The following BCR variants were observed in gnomAD, a reference collection of about 807,000 sequenced individuals.
The protein encoded by BCR is BCR activator of RhoGEF and GTPase.
In BCR, 58 loss-of-function variants were observed where a neutral mutation model predicts 138.6. That is an observed-to-expected ratio of 0.42 (90% CI 0.34 to 0.52). The LOEUF is 0.52. Ranked by LOEUF, BCR falls within the 20% of genes least tolerant of loss-of-function variation. The probability of loss-of-function intolerance (pLI) is 0.06; values close to 1 mark genes in which losing one functional copy is unlikely to be tolerated. For missense variants in BCR, 1,599 were observed against 1,727.2 expected, an observed-to-expected ratio of 0.93 and a Z score of 1.32; for synonymous variants, 786 against 730.1, an observed-to-expected ratio of 1.08 and a Z score of -1.23.
chr22:23,310,078 A>T (rs1602132836), intron 17 of BCR: 7 of 496,280 alleles, frequency 1.4e-5, no homozygotes, highest in Non-Finnish European at 2.3e-5. Flanking sequence ...AAAGCAAGCA[A>T]GCAAGAGAAG....
At chr22:23,302,050 A>T (rs998131408) in intron 16 of BCR, among the ~76,000 whole-genome samples, 1 of 152,160 alleles carries the variant, frequency 6.6e-6, no homozygotes, top group African/African-American at 2.4e-5. Flanking sequence ...TGAACAAAGC[A>T]GGTCACCCAT....
At chr22:23,274,015 C>T (rs749306205) in intron 8 of BCR, among the ~76,000 whole-genome samples, 3 of 152,186 alleles carry the variant, frequency 2.0e-5, no homozygotes, top group Non-Finnish European at 4.4e-5. Flanking sequence ...TCAGCCACCT[C>T]TTTCCTTTTC....
At chr22:23,293,573 A>T (rs1247836169) in intron 15 of BCR, among the ~76,000 whole-genome samples, 1 of 152,188 alleles carries the variant, frequency 6.6e-6, no homozygotes, top group East Asian at 1.9e-4. Context: ...TATAAGAGCC[A>T]CAGGGGATCC....
At chr22:23,266,950 G>A (rs551304647) in intron 4 of BCR, among the ~76,000 whole-genome samples, 64 of 152,276 alleles carry the variant, frequency 4.2e-4, no homozygotes, top group African/African-American at 1.5e-3. Flanking sequence ...CTGAGACCCT[G>A]CTGAGCTGTC....
intron 16 of BCR, among the ~76,000 whole-genome samples, chr22:23,303,066 G>A (rs2073920369): frequency 6.6e-6 from 1 of 151,418 alleles, no homozygotes; most frequent in South Asian, 2.1e-4. Flanking sequence ...GAGAGGGCAA[G>A]TGCCTGGCTC....
chr22:23,279,021 TA>T (rs2073611358), intron 8 of BCR, among the ~76,000 whole-genome samples: 1 of 152,224 alleles, frequency 6.6e-6, no homozygotes, highest in African/African-American at 2.4e-5. Context: ...GCTTACCTCT[TA>T]GCTGTTTCTT....
intron 19 of BCR, chr22:23,312,613 A>T: frequency 2.0e-6 from 1 of 502,412 alleles, no homozygotes; most frequent in South Asian, 2.1e-5. Flanking sequence ...CCCAATCCCC[A>T]CGCAGGCGCT....
intron 1 of BCR, among the ~76,000 whole-genome samples, chr22:23,191,077 C>T (rs925986580): frequency 7.2e-5 from 11 of 152,014 alleles, no homozygotes; most frequent in African/African-American, 1.2e-4. Flanking sequence ...GTACTACAGG[C>T]GCGTGCCACC....
chr22:23,255,403 C>T (rs1380592045), intron 2 of BCR, among the ~76,000 whole-genome samples: 2 of 152,142 alleles, frequency 1.3e-5, no homozygotes, highest in Non-Finnish European at 2.9e-5. Flanking sequence ...CCACACAGCT[C>T]CAGGGTTTGA....
At chr22:23,268,207 T>G (rs992702906) in intron 4 of BCR, among the ~76,000 whole-genome samples, 1 of 152,112 alleles carries the variant, frequency 6.6e-6, no homozygotes, top group Non-Finnish European at 1.5e-5. Context: ...CAGCATGTCA[T>G]TTTGGGAGCG....
intron 1 of BCR, among the ~76,000 whole-genome samples, chr22:23,242,090 G>A (rs923899017): frequency 8.5e-5 from 13 of 152,178 alleles, no homozygotes; most frequent in Non-Finnish European, 2.9e-5. Context: ...GCACACAAAT[G>A]TCATTAGTTT....
intron 1 of BCR, among the ~76,000 whole-genome samples, chr22:23,202,311 T>G: frequency 6.6e-6 from 1 of 152,152 alleles, no homozygotes; most frequent in South Asian, 2.1e-4. Context: ...AAAATTATGG[T>G]GAAATATATA....
At chr22:23,187,228 C>T (rs1471386450) in intron 1 of BCR, among the ~76,000 whole-genome samples, 1 of 151,864 alleles carries the variant, frequency 6.6e-6, no homozygotes, top group Non-Finnish European at 1.5e-5. Flanking sequence ...CTCATTTCAT[C>T]CCTGTAGTTT....
At position 23,271,512 on chromosome 22, in the gene BCR, A is replaced by G. The variant is rs1011685822; in HGVS notation, c.1861-20A>G. Reference sequence around the variant, plus strand: ...AGCTGCTTCTGTCATCTGTGTGAACATGCGCTTTTCTCTCTGCAGAACCTG... The same window carrying G: ...AGCTGCTTCTGTCATCTGTGTGAACGTGCGCTTTTCTCTCTGCAGAACCTG... On this transcript the variant is annotated intron_variant, in intron 5 of 22. Coordinates refer to ENST00000305877, the MANE Select transcript of BCR (RefSeq NM_004327.4). 3 of 1,613,602 alleles carry G rather than the reference A, an allele frequency of 1.9e-6. No individual in the cohort carries two copies. Among genetic ancestry groups the G allele is most frequent in the Non-Finnish European group, 2.5e-6 (3 of 1,179,628 alleles).
chr22:23,225,007 C>T (rs1046839179), intron 1 of BCR, among the ~76,000 whole-genome samples: 2 of 151,926 alleles, frequency 1.3e-5, no homozygotes, highest in Non-Finnish European at 2.9e-5. Context: ...GCCACCGAGA[C>T]CCGGCATTTG....
chr22:23,260,903 T>A, intron 2 of BCR, 47 bp from the exon 3 acceptor site: 1 of 1,570,726 alleles, frequency 6.4e-7, no homozygotes, highest in Non-Finnish European at 8.8e-7. Flanking sequence ...GATGGAAGAA[T>A]CCCCCTACCA....
intron 1 of BCR, among the ~76,000 whole-genome samples, chr22:23,247,451 A>G (rs915047157): frequency 6.6e-6 from 1 of 152,020 alleles, no homozygotes; most frequent in South Asian, 2.1e-4. Context: ...ACTCCAGTAC[A>G]TGTTGATCGG....
chr22:23,249,267 A>C (rs1321802515), intron 1 of BCR, among the ~76,000 whole-genome samples: 2 of 151,978 alleles, frequency 1.3e-5, no homozygotes, highest in Non-Finnish European at 2.9e-5. Flanking sequence ...GTCTCTACTA[A>C]AAATACAAAA....
intron 4 of BCR, 82 bp downstream of exon 4, chr22:23,261,622 G>T: frequency 6.7e-7 from 1 of 1,486,406 alleles, no homozygotes. Context: ...AGTAGAGACA[G>T]GGTTTTGCTA....
Sources: gnomAD v4.1 joint callset for allele counts (sites outside exome capture counted in the v4.1 genomes callset) on GRCh38, gnomAD v4.1.1 for gene constraint, MANE v1.5 for transcripts, NCBI Gene and HGNC (gene_info 2026-07-23, HGNC 2026-07-21) for gene names.